Variants in TBX4 observed in about 807,000 individuals in gnomAD.
The protein encoded by TBX4 is T-box transcription factor 4.
Under a neutral mutation model 54.6 loss-of-function variants are expected in TBX4, and 13 were observed. The observed-to-expected ratio is 0.24, with a 90% CI of 0.15 to 0.38. The LOEUF (loss-of-function observed/expected upper bound fraction) is 0.38, where lower values mean the gene tolerates loss of function less well. TBX4 is among the 10% of genes least tolerant of loss of function. The probability of loss-of-function intolerance (pLI) is 1.00; values close to 1 mark genes in which losing one functional copy is unlikely to be tolerated. For synonymous variants in TBX4, 314 were observed against 306.7 expected, an observed-to-expected ratio of 1.02 and a Z score of -0.25; for missense variants, 631 against 728.5, an observed-to-expected ratio of 0.87 and a Z score of 1.54.
rs1468721681 is a variant in TBX4 at position 61,465,462 on chromosome 17, C to T, written c.282-357C>T. 6.6e-6 allele frequency among the ~76,000 whole-genome samples: 1 copy of T among 152,238 alleles called. No homozygotes were observed. The highest frequency in any genetic ancestry group is 1.5e-5 in the Non-Finnish European group (1 of 68,042). On this transcript the variant is annotated intron_variant, in intron 3 of 8. Transcript: ENST00000644296. This position sits in a 1 kb window ranked among gnomAD's most constrained non-coding sequence, Gnocchi z 4.9. ...AAGGCAGCAAGGTTGGCGTCAGAATCTGCTCCCACAATCCTGACTGGGGTC... is the reference window on the plus strand; with the variant it reads ...AAGGCAGCAAGGTTGGCGTCAGAATTTGCTCCCACAATCCTGACTGGGGTC...
At chr17:61,469,242 A>G (rs1405834919) in intron 5 of TBX4, among the ~76,000 whole-genome samples, 1 of 152,158 alleles carries the variant, frequency 6.6e-6, no homozygotes, top group Admixed American at 6.5e-5. Context: ...AGGAAGTGGG[A>G]GAGAGCGCTC....
rs571296682 is a variant in TBX4, at chr17:61,476,710, A to T, written c.550-1917A>T. 4.4e-4 allele frequency among the ~76,000 whole-genome samples: 67 copies of T among 152,284 alleles called. No individual in the cohort carries two copies. The highest frequency in any genetic ancestry group is 1.6e-3 in the African/African-American group (66 of 41,556). On this transcript the variant is annotated intron_variant, in intron 5 of 8. Coordinates refer to ENST00000644296, the MANE Select transcript of TBX4 (RefSeq NM_001321120.2). The surrounding 1 kb of genome is among the most constrained non-coding windows in gnomAD (Gnocchi z 6.5). The stretch of plus-strand genomic sequence containing the variant: ...GGACCTGGTTTGGGGTTTGGGAGTT[A>T]TGTACTTGCCTCGTGAAGGTCTGGA...
At chr17:61,463,959 G>C (rs932965921) in intron 3 of TBX4, among the ~76,000 whole-genome samples, 2 of 152,204 alleles carry the variant, frequency 1.3e-5, no homozygotes, top group Non-Finnish European at 2.9e-5. Context: ...GCAAGATCCA[G>C]CTGCGCCCCC....
In TBX4 at chr17:61,474,857, C is replaced by T. The variant is rs552082528; in HGVS notation, c.550-3770C>T. 6.6e-6 allele frequency among the ~76,000 whole-genome samples: 1 copy of T among 152,344 alleles called. No individual in the cohort carries two copies. The highest frequency in any genetic ancestry group is 2.4e-5 in the African/African-American group (1 of 41,580). On this transcript the variant is annotated intron_variant, in intron 5 of 8. Coordinates refer to ENST00000644296, the MANE Select transcript of TBX4 (RefSeq NM_001321120.2). This position sits in a 1 kb window ranked among gnomAD's most constrained non-coding sequence, Gnocchi z 4.6. ...ATTCTCCCGGCTGATGGGACTAAGG[C>T]TCAAGTTTATACTTGTCTTGGCTCA...
In TBX4 at chr17:61,465,735, C is replaced by T. The variant is rs529820992; in HGVS notation, c.282-84C>T. On this transcript the variant is annotated intron_variant, in intron 3 of 8. Transcript: ENST00000644296. The surrounding 1 kb of genome is among the most constrained non-coding windows in gnomAD (Gnocchi z 4.9). ...TGGCCAAAAGGGCAGCATCTGTTAG[C>T]GGCCTTCTGCCCCCTTGCTCACTCT... 3.1e-5 allele frequency: 48 copies of T among 1,571,028 alleles called. No individual in the cohort carries two copies. Among genetic ancestry groups the T allele is most frequent in the South Asian group, 1.3e-4 (12 of 89,988 alleles).
rs553881822 is a variant in TBX4 at position 61,473,133 on chromosome 17, G to A, written c.549+5476G>A. On this transcript the variant is annotated intron_variant, in intron 5 of 8. Transcript: ENST00000644296. ...TTACTTAGAGAAGACTGATAGGAAG[G>A]CTTTTCTATTTGCTGAGGGTTTTCT... Among the ~76,000 whole-genome samples the A allele has an allele frequency of 3.3e-5, 5 of 152,266 alleles. No individual in the cohort carries two copies. The South Asian group carries it at 1.0e-3, about 32-fold the overall frequency.
In TBX4 at chr17:61,480,881, G is replaced by A. The variant is rs766762577; in HGVS notation, c.1021+562G>A. On this transcript the variant is annotated intron_variant, in intron 8 of 8. Transcript: ENST00000644296. This position sits in a 1 kb window ranked among gnomAD's most constrained non-coding sequence, Gnocchi z 6.2. ...AGCACCCTCTGTGCCAGGCCTCTTC[G>A]TAAAGAGGAGGAGCCCGGAGCTGGG... Among the ~76,000 whole-genome samples the A allele has an allele frequency of 6.6e-6, 1 of 152,168 alleles. No individual in the cohort carries two copies. Among genetic ancestry groups the A allele is most frequent in the African/African-American group, 2.4e-5 (1 of 41,424 alleles).
chr17:61,478,877 C>G lies in TBX4; in HGVS notation c.702+98C>G. ...GCAGAGTGTGAAGCCAGAGTCCCAG[C>G]AGGGCTTGGGCAGGCCCAGTGCAGG... On this transcript the variant is annotated intron_variant, in intron 6 of 8. Coordinates refer to ENST00000644296, the MANE Select transcript of TBX4 (RefSeq NM_001321120.2). This position sits in a 1 kb window ranked among gnomAD's most constrained non-coding sequence, Gnocchi z 7.4. The G allele has an allele frequency of 3.1e-6, 5 of 1,598,548 alleles. No individual in the cohort carries two copies. Among genetic ancestry groups the G allele is most frequent in the Non-Finnish European group, 4.3e-6 (5 of 1,167,002 alleles).
rs1428934331 is a variant in TBX4, at chr17:61,480,320, G to A, written c.1021+1G>A. ...TTCTATCACTGCCTGAAAAGACGAGGTAGGGCTCTCCTGGTCTAGAAGCCC... is the reference window on the plus strand; with the variant it reads ...TTCTATCACTGCCTGAAAAGACGAGATAGGGCTCTCCTGGTCTAGAAGCCC... On this transcript the variant is annotated splice_donor_variant, in intron 8 of 8. Coordinates refer to ENST00000644296, the MANE Select transcript of TBX4 (RefSeq NM_001321120.2). LOFTEE classifies it high-confidence loss of function. The surrounding 1 kb of genome is among the most constrained non-coding windows in gnomAD (Gnocchi z 6.2). 6.2e-7 allele frequency: 1 copy of A among 1,612,768 alleles called. No individual in the cohort carries two copies. The highest frequency in any genetic ancestry group is 8.5e-7 in the Non-Finnish European group (1 of 1,179,514).
chr17:61,480,146 A>G lies in TBX4; in HGVS notation c.848A>G (p.Gln283Arg). The G allele has an allele frequency of 6.2e-7, 1 of 1,613,722 alleles. No homozygotes were observed. The highest frequency in any genetic ancestry group is 8.5e-7 in the Non-Finnish European group (1 of 1,179,918). ...SIMRQRLISP[Q>R]LSATPDVGPL... The stretch of plus-strand genomic sequence containing the variant: ...ATGAGGCAGAGGCTCATCTCCCCCC[A>G]GCTCTCAGCCACACCGGACGTGGGC... The change falls in exon 8 of 9, where the codon CAG (glutamine) becomes CGG (arginine). Residue 283 changes from glutamine (Q) to arginine (R), a missense_variant. Gln to Arg is a conservative substitution (Grantham distance 43, BLOSUM62 1). Coordinates refer to ENST00000644296, the MANE Select transcript of TBX4 (RefSeq NM_001321120.2). This position sits in a 1 kb window ranked among gnomAD's most constrained non-coding sequence, Gnocchi z 6.2.
At chr17:61,477,815 C>T (rs976143790) in intron 5 of TBX4, among the ~76,000 whole-genome samples, 2 of 151,928 alleles carry the variant, frequency 1.3e-5, no homozygotes, top group African/African-American at 4.8e-5. Flanking sequence ...ATGGAGCACA[C>T]CTGTAATTTC....
Position 61,476,728 on chromosome 17 carries a change from G to A in TBX4, c.550-1899G>A, listed in dbSNP as rs143549007. 6.6e-6 allele frequency among the ~76,000 whole-genome samples: 1 copy of A among 152,224 alleles called. No homozygotes were observed. The highest frequency in any genetic ancestry group is 2.4e-5 in the African/African-American group (1 of 41,460). On this transcript the variant is annotated intron_variant, in intron 5 of 8. Coordinates refer to ENST00000644296, the MANE Select transcript of TBX4 (RefSeq NM_001321120.2). This position sits in a 1 kb window ranked among gnomAD's most constrained non-coding sequence, Gnocchi z 6.5. The stretch of plus-strand genomic sequence containing the variant: ...GGGAGTTATGTACTTGCCTCGTGAA[G>A]GTCTGGAGGTTTGTCACTGAGGGCT...
chr17:61,456,665 G>A lies in TBX4; in HGVS notation c.175G>A (p.Ala59Thr), dbSNP rs80164240. 7.4e-5 allele frequency: 101 copies of A among 1,355,994 alleles called. No individual in the cohort carries two copies. The East Asian group carries it at 2.0e-3, about 27-fold the overall frequency. The allele number at this position is 1,355,994 out of a possible 1,614,324, so 84.0% of individuals were successfully genotyped here. ...GPGADVVAAA[A>T]AEQTIENIKV... The stretch of plus-strand genomic sequence containing the variant: ...CGGGGCCGACGTCGTCGCCGCCGCC[G>A]CCGCGGAGCAGGTAGGGCTGCGCCA... The change falls in exon 2 of 9, where the codon GCC becomes ACC. Residue 59 changes from alanine to threonine, a missense_variant. Coordinates refer to ENST00000644296, the MANE Select transcript of TBX4 (RefSeq NM_001321120.2).
At chr17:61,455,203 C>A (rs1397340375) in intron 1 of TBX4, among the ~76,000 whole-genome samples, 1 of 152,182 alleles carries the variant, frequency 6.6e-6, no homozygotes, top group Non-Finnish European at 1.5e-5. Context: ...GTTTACTTTG[C>A]GAGGTCCTGG....
At position 61,479,430 on chromosome 17, in the gene TBX4, G is replaced by A. The variant is rs2060647049; in HGVS notation, c.703-451G>A. On this transcript the variant is annotated intron_variant, in intron 6 of 8. Coordinates refer to ENST00000644296, the MANE Select transcript of TBX4 (RefSeq NM_001321120.2). The surrounding 1 kb of genome is among the most constrained non-coding windows in gnomAD (Gnocchi z 6.1). ...TTTTAGGCAGAAGAGTGACAGAGTC[G>A]GAACTGCATCTAGAACGGTCACTCA... Among the ~76,000 whole-genome samples, 3 of 152,188 alleles carry A rather than the reference G, an allele frequency of 2.0e-5. No individual in the cohort carries two copies. The highest frequency in any genetic ancestry group is 6.5e-5 in the Admixed American group (1 of 15,282).
rs373379452 is a variant in TBX4 at position 61,483,192 on chromosome 17, G to T, written c.1317G>T (p.Pro439=). ...GCGTGCAGACGATGGAGACTGTGCC[G>T]TACCAGCCCTTCCCCACGCACTTCA... The part of the protein sequence containing the change: ...SYSVQTMETV[P]YQPFPTHFTA... Residue 439 remains proline (P), a synonymous_variant, in exon 9 of 9, where the codon CCG becomes CCT. Coordinates refer to ENST00000644296, the MANE Select transcript of TBX4 (RefSeq NM_001321120.2). This position sits in a 1 kb window ranked among gnomAD's most constrained non-coding sequence, Gnocchi z 6.6. 1 of 1,613,990 alleles carries T rather than the reference G, an allele frequency of 6.2e-7. No individual in the cohort carries two copies. The highest frequency in any genetic ancestry group is 8.5e-7 in the Non-Finnish European group (1 of 1,180,030).
chr17:61,465,964 C>A lies in TBX4; in HGVS notation c.401+26C>A. The A allele has an allele frequency of 6.2e-7, 1 of 1,613,036 alleles. No individual in the cohort carries two copies. The highest frequency in any genetic ancestry group is 1.1e-5 in the South Asian group (1 of 91,030). On this transcript the variant is annotated intron_variant, in intron 4 of 8. Coordinates refer to ENST00000644296, the MANE Select transcript of TBX4 (RefSeq NM_001321120.2). This position sits in a 1 kb window ranked among gnomAD's most constrained non-coding sequence, Gnocchi z 4.9. Reference sequence around the variant, plus strand: ...GTAAGTGGACCCTGACCGCATCACCCACGTTCCCTCAACTGCCCACTTGCC... The same window carrying A: ...GTAAGTGGACCCTGACCGCATCACCAACGTTCCCTCAACTGCCCACTTGCC...
Position 61,480,411 on chromosome 17 carries a change from A to C in TBX4, c.1021+92A>C. The C allele has an allele frequency of 3.4e-5, 34 of 1,000,158 alleles. No homozygotes were observed. Among genetic ancestry groups the C allele is most frequent in the Middle Eastern group, 2.9e-4 (1 of 3,414 alleles). 62.0% of individuals were successfully genotyped at this position (1,000,158 alleles called of 1,614,324 possible). ...TCTGCAGCGCCCCCCCCCCCAACAC[A>C]CACACACTCATCTCGTGCTTGTGTG... On this transcript the variant is annotated intron_variant, in intron 8 of 8. Coordinates refer to ENST00000644296, the MANE Select transcript of TBX4 (RefSeq NM_001321120.2). The surrounding 1 kb of genome is among the most constrained non-coding windows in gnomAD (Gnocchi z 6.2).
chr17:61,483,510 C>A lies in TBX4; in HGVS notation c.1635C>A (p.Asp545Glu). ...TGGGGACTGTGGAGAACTGGACTGA[C>A]GGATGACTCTCACGTCTCCTCCATA... ...SGMGTVENWT[D>E]G Residue 545 changes from aspartate (D) to glutamate (E), a missense_variant, in exon 9 of 9, where the codon GAC becomes GAA. By Grantham distance (45) the Asp-to-Glu change is conservative. Coordinates refer to ENST00000644296, the MANE Select transcript of TBX4 (RefSeq NM_001321120.2). The surrounding 1 kb of genome is among the most constrained non-coding windows in gnomAD (Gnocchi z 6.6). The A allele has an allele frequency of 6.8e-6, 11 of 1,614,084 alleles. No homozygotes were observed. Among genetic ancestry groups the A allele is most frequent in the Non-Finnish European group, 9.3e-6 (11 of 1,180,034 alleles).
Sources: gnomAD v4.1 joint callset for allele counts (sites outside exome capture counted in the v4.1 genomes callset) on GRCh38, gnomAD v4.1.1 for gene constraint, Gnocchi (gnomAD v3.1) non-coding constraint, MANE v1.5 for transcripts, NCBI Gene and HGNC (gene_info 2026-07-23, HGNC 2026-07-21) for gene names.